COG4: variants seen among roughly 807,000 people sequenced by gnomAD.
The protein encoded by COG4 is conserved oligomeric Golgi complex subunit 4.
A neutral mutation model predicts 95.1 loss-of-function variants in COG4; 65 were observed. The ratio of observed to expected loss-of-function variants is 0.68; its 90% confidence interval spans 0.56 to 0.84. COG4 has a LOEUF of 0.84. COG4 is among the 40% of genes least tolerant of loss of function. The pLI, the probability that COG4 is intolerant of heterozygous loss-of-function variation, is 0.00. For missense variants in COG4, 1,045 were observed against 989.1 expected, an observed-to-expected ratio of 1.06 and a Z score of -0.76; for synonymous variants, 421 against 374.8, an observed-to-expected ratio of 1.12 and a Z score of -1.42.
rs1168945829 is a variant in COG4, at chr16:70,480,954, G to T, written c.*56C>A. ...AGCCTCGCTCAGCTCCTTGGCTGGGGCCCCTTAGGGAACAGGCCTGCAAGT... is the reference window on the plus strand; with the variant it reads ...AGCCTCGCTCAGCTCCTTGGCTGGGTCCCCTTAGGGAACAGGCCTGCAAGT... On this transcript the variant is annotated 3_prime_UTR_variant, in exon 19 of 19. Transcript: ENST00000323786. 5 of 1,604,342 alleles carry T rather than the reference G, an allele frequency of 3.1e-6. No individual in the cohort carries two copies. Among genetic ancestry groups the T allele is most frequent in the Middle Eastern group, 2.2e-4 (1 of 4,534 alleles).
Position 70,499,809 on chromosome 16 carries a change from G to A in COG4, c.1195+1149C>T, listed in dbSNP as rs112252776. ...AGAGTAGCTGGGACTGCAGACACCC[G>A]CCACCACGCCCGGCTAATTTTTTTG... On this transcript the variant is annotated intron_variant, in intron 9 of 18. Coordinates refer to ENST00000323786, the MANE Select transcript of COG4 (RefSeq NM_015386.3). Among the ~76,000 whole-genome samples, 1,519 of 151,988 alleles carry A rather than the reference G, an allele frequency of 1.0e-2. 12 individuals are homozygous for A. The highest frequency in any genetic ancestry group is 0.02 in the South Asian group (98 of 4,804).
intron 1 of COG4, among the ~76,000 whole-genome samples, chr16:70,522,569 T>G (rs1344719396): frequency 5.9e-5 from 9 of 152,222 alleles, no homozygotes; most frequent in Non-Finnish European, 8.8e-5. Context: ...AACGATCACC[T>G]CTCCCTCAGG....
At chr16:70,519,570 G>C (rs1045637519) in intron 2 of COG4, 79 bp downstream of exon 2, 12 of 1,028,906 alleles carry the variant, frequency 1.2e-5, no homozygotes, top group East Asian at 4.8e-5. Flanking sequence ...GTTTATAACA[G>C]AAAGTTTAAA....
intron 13 of COG4, among the ~76,000 whole-genome samples, chr16:70,484,640 C>T (rs1054691815): frequency 6.6e-5 from 10 of 152,188 alleles, no homozygotes; most frequent in African/African-American, 1.7e-4. Flanking sequence ...GTGGCTCATG[C>T]GGGTAATTCT....
At chr16:70,496,241 A>G in intron 12 of COG4, 25 bp downstream of exon 12, 3 of 1,614,002 alleles carry the variant, frequency 1.9e-6, no homozygotes, top group Non-Finnish European at 2.5e-6. Context: ...AAACCAACCC[A>G]GCTCGTGAGC....
chr16:70,504,320 G>C (rs1047266665), intron 8 of COG4, among the ~76,000 whole-genome samples: 1 of 152,060 alleles, frequency 6.6e-6, no homozygotes, highest in African/African-American at 2.4e-5. Context: ...AAATTATCCA[G>C]TCAAGGCTGG....
chr16:70,521,332 C>T (rs918348013), intron 1 of COG4, among the ~76,000 whole-genome samples: 1 of 151,958 alleles, frequency 6.6e-6, no homozygotes, highest in Non-Finnish European at 1.5e-5. Context: ...ATTTTCATGC[C>T]TCTGCCTCCC....
At chr16:70,492,507 C>A (rs112066541) in intron 12 of COG4, among the ~76,000 whole-genome samples, 1 of 151,122 alleles carries the variant, frequency 6.6e-6, no homozygotes, top group African/African-American at 2.4e-5. Flanking sequence ...AAAAAAAATA[C>A]AAAATTAGCC....
intron 4 of COG4, 48 bp downstream of exon 4, chr16:70,514,287 T>C: frequency 6.4e-7 from 1 of 1,570,740 alleles, no homozygotes; most frequent in Non-Finnish European, 8.8e-7. Flanking sequence ...TACTTCAGAT[T>C]ACAGATGATT....
intron 3 of COG4, chr16:70,515,791 A>C (rs945886752): frequency 5.7e-5 from 17 of 300,206 alleles, no homozygotes; most frequent in African/African-American, 3.6e-4. Context: ...GGGGGAAAGA[A>C]TCACACGTTT....
intron 13 of COG4, among the ~76,000 whole-genome samples, chr16:70,487,275 C>CAA (rs2049156583): frequency 2.2e-5 from 3 of 137,798 alleles, no homozygotes; most frequent in African/African-American, 8.4e-5. Context: ...GAATCGGTCT[C>CAA]AAAAAATAAA....
At chr16:70,510,065 C>T (rs910771752) in intron 5 of COG4, 44 bp from the exon 6 acceptor site, 1 of 1,503,786 alleles carries the variant, frequency 6.6e-7, no homozygotes, top group African/African-American at 1.4e-5. Context: ...GAAAGGTCAC[C>T]CTCATACCAG....
At chr16:70,481,990 G>T in intron 16 of COG4, 102 bp downstream of exon 16, 1 of 1,336,296 alleles carries the variant, frequency 7.5e-7, no homozygotes. Flanking sequence ...GGGTTGGAAG[G>T]GCTTTCAGGG....
intron 12 of COG4, among the ~76,000 whole-genome samples, chr16:70,495,564 G>C (rs891424877): frequency 6.6e-6 from 1 of 152,098 alleles, no homozygotes; most frequent in African/African-American, 2.4e-5. Flanking sequence ...CGGCCAATGT[G>C]GGGGATGGAG....
chr16:70,508,926 A>T (rs911810695), intron 7 of COG4: 1 of 541,464 alleles, frequency 1.8e-6, no homozygotes, highest in African/African-American at 1.9e-5. Context: ...AATTGTCATT[A>T]TATCATTAGA....
chr16:70,502,284 A>AAT (rs1291059689), intron 8 of COG4, among the ~76,000 whole-genome samples: 6 of 111,308 alleles, frequency 5.4e-5, no homozygotes, highest in African/African-American at 4.6e-4. Flanking sequence ...CCGTCTCAAA[A>AAT]AAAAAAAAAA....
Position 70,493,813 on chromosome 16 carries a change from T to C in COG4, c.1647+2453A>G, listed in dbSNP as rs543913278. 2.0e-5 allele frequency among the ~76,000 whole-genome samples: 3 copies of C among 152,210 alleles called. No homozygotes were observed. In the South Asian group the frequency reaches 6.2e-4, roughly 32 times the overall value. On this transcript the variant is annotated intron_variant, in intron 12 of 18. Coordinates refer to ENST00000323786, the MANE Select transcript of COG4 (RefSeq NM_015386.3). The stretch of plus-strand genomic sequence containing the variant: ...CAGCTGTGGTTCAGGAATACTCATC[T>C]AGAGGCCGTGGGAGGGAGGAAATAG...
At chr16:70,481,906 T>TCCTCTG (rs1297509095) in intron 16 of COG4, 41 bp from the exon 17 acceptor site, 15 of 1,544,642 alleles carry the variant, frequency 9.7e-6, no homozygotes, top group Middle Eastern at 1.7e-4. Context: ...CCCACCTAAC[T>TCCTCTG]CCTCTGCCTC....
At chr16:70,482,050 C>A in intron 16 of COG4, 42 bp downstream of exon 16, 1 of 1,535,464 alleles carries the variant, frequency 6.5e-7, no homozygotes, top group African/African-American at 1.4e-5. Flanking sequence ...TTTGGGCTGA[C>A]GTGGGTAATT....
Sources: gnomAD v4.1 joint callset for allele counts (sites outside exome capture counted in the v4.1 genomes callset) on GRCh38, gnomAD v4.1.1 for gene constraint, MANE v1.5 for transcripts, NCBI Gene and HGNC (gene_info 2026-07-23, HGNC 2026-07-21) for gene names.